The following SORL1 variants were observed in gnomAD, a reference collection of about 807,000 sequenced individuals.
SORL1 encodes sortilin-related receptor.
A neutral mutation model predicts 273.7 loss-of-function variants in SORL1; 127 were observed. The observed-to-expected ratio is 0.46, with a 90% CI of 0.40 to 0.54. SORL1 has a LOEUF of 0.54. Ranked by LOEUF, SORL1 falls within the 20% of genes least tolerant of loss-of-function variation. The probability of loss-of-function intolerance (pLI) is 0.00; values close to 1 mark genes in which losing one functional copy is unlikely to be tolerated. For missense variants in SORL1, 2,494 were observed against 2,846.1 expected, an observed-to-expected ratio of 0.88 and a Z score of 2.81; for synonymous variants, 1,031 against 1,067.4, an observed-to-expected ratio of 0.97 and a Z score of 0.66.
At chr11:121,486,188 C>T (rs139587609) in intron 3 of SORL1, among the ~76,000 whole-genome samples, 1 of 152,206 alleles carries the variant, frequency 6.6e-6, no homozygotes, top group Non-Finnish European at 1.5e-5. Context: ...GTGGGTAGAA[C>T]TAGGTCCCTG....
At chr11:121,478,360 G>A (rs906826666) in intron 3 of SORL1, 117 bp downstream of exon 3, 40 of 1,213,184 alleles carry the variant, frequency 3.3e-5, no homozygotes, top group Non-Finnish European at 4.2e-5. Flanking sequence ...AGCATGACTG[G>A]TGGCTAGTGA....
chr11:121,541,453 T>A (rs1365474143), intron 12 of SORL1, among the ~76,000 whole-genome samples: 9 of 152,200 alleles, frequency 5.9e-5, no homozygotes, highest in Non-Finnish European at 1.0e-4. Flanking sequence ...CAAAAGATCC[T>A]TCTGCCTTGG....
At position 121,576,655 on chromosome 11, in the gene SORL1, G is replaced by C. The variant is rs1011856012; in HGVS notation, c.3461-626G>C. 1.9e-5 allele frequency: 17 copies of C among 908,704 alleles called. No individual in the cohort carries two copies. In the African/African-American group the frequency reaches 2.5e-4, roughly 13 times the overall value. 56.3% of individuals were successfully genotyped at this position (908,704 alleles called of 1,614,324 possible). Reference sequence around the variant, plus strand: ...CCAGGAGCTTTGAAGGCTATTGCCAGGGCAGCCTCCTTCCCCTTCTTGGTC... The same window carrying C: ...CCAGGAGCTTTGAAGGCTATTGCCACGGCAGCCTCCTTCCCCTTCTTGGTC... On this transcript the variant is annotated intron_variant, in intron 24 of 47. Transcript: ENST00000260197.
intron 5 of SORL1, among the ~76,000 whole-genome samples, chr11:121,494,968 T>G (rs1861606569): frequency 6.6e-6 from 1 of 152,204 alleles, no homozygotes; most frequent in Non-Finnish European, 1.5e-5. Flanking sequence ...GAGGATCTGA[T>G]AATGAAGAAT....
At position 121,606,966 on chromosome 11, in the gene SORL1, C is replaced by G. The variant is rs1555087363; in HGVS notation, c.5061+9C>G. The G allele has an allele frequency of 6.3e-7, 1 of 1,586,046 alleles. No individual in the cohort carries two copies. Among genetic ancestry groups the G allele is most frequent in the Non-Finnish European group, 8.7e-7 (1 of 1,154,548 alleles). ...TCATCCGTGAGTACATTGTAAGTAC[C>G]TTCCATGAGTTGGCTGTATGTGTGT... On this transcript the variant is annotated intron_variant, in intron 36 of 47. Coordinates refer to ENST00000260197, the MANE Select transcript of SORL1 (RefSeq NM_003105.6).
chr11:121,562,425 G>A (rs1034412333), intron 21 of SORL1, among the ~76,000 whole-genome samples: 1 of 152,204 alleles, frequency 6.6e-6, no homozygotes, highest in African/African-American at 2.4e-5. Context: ...ATATATGGAA[G>A]ATTCCAGAAA....
rs190463193 is a variant in SORL1, at chr11:121,542,057, A to G, written c.1686-1491A>G. Among the ~76,000 whole-genome samples, 16 of 152,308 alleles carry G rather than the reference A, an allele frequency of 1.1e-4. No individual in the cohort carries two copies. The East Asian group carries it at 1.5e-3, about 15-fold the overall frequency. Reference sequence around the variant, plus strand: ...GCATTTGCCGGTTTGCTCTACTTCTATCATTGGTCTATTTATCTATCCTGT... The same window carrying G: ...GCATTTGCCGGTTTGCTCTACTTCTGTCATTGGTCTATTTATCTATCCTGT... On this transcript the variant is annotated intron_variant, in intron 12 of 47. Transcript: ENST00000260197.
chr11:121,600,025 A>G (rs563931175), intron 32 of SORL1, among the ~76,000 whole-genome samples: 183 of 152,308 alleles, frequency 1.2e-3, no homozygotes, highest in African/African-American at 4.2e-3. Context: ...TAATGACCAG[A>G]TGAAAACTTG....
chr11:121,488,326 C>G, intron 4 of SORL1, 133 bp downstream of exon 4: 1 of 906,756 alleles, frequency 1.1e-6, no homozygotes, highest in South Asian at 1.7e-5. Context: ...GCCTTTGTAG[C>G]TACTATTTCA....
chr11:121,454,136 C>G (rs1430851661), intron 1 of SORL1, among the ~76,000 whole-genome samples: 1 of 152,230 alleles, frequency 6.6e-6, no homozygotes, highest in Non-Finnish European at 1.5e-5. Flanking sequence ...AAGAAGTCAT[C>G]AAGGTCCTTG....
chr11:121,528,719 T>G (rs896841006), intron 11 of SORL1, among the ~76,000 whole-genome samples: 2 of 152,208 alleles, frequency 1.3e-5, no homozygotes, highest in African/African-American at 4.8e-5. Flanking sequence ...TTTCCTATAG[T>G]CAGAGAAGAC....
At chr11:121,604,646 C>T (rs1437070248) in intron 33 of SORL1, among the ~76,000 whole-genome samples, 1 of 152,012 alleles carries the variant, frequency 6.6e-6, no homozygotes, top group Non-Finnish European at 1.5e-5. Context: ...GTTCTTATCT[C>T]TGGAGTGTCT....
At position 121,580,825 on chromosome 11, in the gene SORL1, G is replaced by C. The variant is rs538577418; in HGVS notation, c.3581-2633G>C. ...TTGCCATATTGCCCAGGCTGGTCTC[G>C]AACTCCTGGGTGCAAGTGATCCTCT... On this transcript the variant is annotated intron_variant, in intron 25 of 47. Coordinates refer to ENST00000260197, the MANE Select transcript of SORL1 (RefSeq NM_003105.6). Among the ~76,000 whole-genome samples, 108 of 151,672 alleles carry C rather than the reference G, an allele frequency of 7.1e-4. 1 individual carries two copies. Among genetic ancestry groups the C allele is most frequent in the Admixed American group, 8.5e-4 (13 of 15,222 alleles).
intron 1 of SORL1, among the ~76,000 whole-genome samples, chr11:121,466,317 G>C (rs1174182368): frequency 6.6e-6 from 1 of 152,152 alleles, no homozygotes. Flanking sequence ...GGACCTGTGT[G>C]GGGGATTGGC....
At chr11:121,481,654 T>C (rs1347373041) in intron 3 of SORL1, among the ~76,000 whole-genome samples, 1 of 112,052 alleles carries the variant, frequency 8.9e-6, no homozygotes, top group Non-Finnish European at 1.8e-5. Context: ...CACAGATACC[T>C]ATAGGCAGGT....
intron 1 of SORL1, among the ~76,000 whole-genome samples, chr11:121,468,039 T>C (rs1278897119): frequency 1.3e-5 from 2 of 152,204 alleles, no homozygotes; most frequent in East Asian, 1.9e-4. Flanking sequence ...CAGCCAAATA[T>C]GTGGCACAGG....
chr11:121,515,692 C>T (rs940173236), intron 8 of SORL1, among the ~76,000 whole-genome samples: 1 of 152,166 alleles, frequency 6.6e-6, no homozygotes, highest in African/African-American at 2.4e-5. Context: ...CGCTCTGTCG[C>T]CCAGGCTGGA....
chr11:121,497,062 T>C lies in SORL1; in HGVS notation c.939+13T>C. The C allele has an allele frequency of 6.2e-7, 1 of 1,607,370 alleles. No homozygotes were observed. Among genetic ancestry groups the C allele is most frequent in the Non-Finnish European group, 8.5e-7 (1 of 1,176,698 alleles). ...TACAAAGGTGGTGGTAAGTTGAATG[T>C]ACTAAAGAATAAACTACTTTTGAGT... On this transcript the variant is annotated intron_variant, in intron 6 of 47. Coordinates refer to ENST00000260197, the MANE Select transcript of SORL1 (RefSeq NM_003105.6).
In SORL1 at chr11:121,480,464, C is replaced by T. The variant is rs193021488; in HGVS notation, c.528+2221C>T. ...GATGATTACTGTATTTACACATTGTCTCAGAGCTCACTCTTGCGGAGGTTG... is the reference window on the plus strand; with the variant it reads ...GATGATTACTGTATTTACACATTGTTTCAGAGCTCACTCTTGCGGAGGTTG... On this transcript the variant is annotated intron_variant, in intron 3 of 47. Transcript: ENST00000260197. 1.4e-3 allele frequency among the ~76,000 whole-genome samples: 217 copies of T among 152,204 alleles called. 2 individuals are homozygous for T. The highest frequency in any genetic ancestry group is 4.9e-3 in the African/African-American group (205 of 41,476).
Sources: allele counts gnomAD v4.1 joint callset (sites outside exome capture counted in the v4.1 genomes callset), GRCh38; gene constraint gnomAD v4.1.1; transcripts MANE v1.5; gene names NCBI Gene and HGNC (gene_info 2026-07-23, HGNC 2026-07-21).